SEMA3E: variants seen among roughly 807,000 people sequenced by gnomAD.
SEMA3E encodes semaphorin 3E, also known as semaphorin-3E.
SEMA3E carries 49 observed loss-of-function variants against 93.6 expected under a neutral mutation model. That is an observed-to-expected ratio of 0.52 (90% confidence interval 0.42 to 0.66). The LOEUF is 0.66. Ranked by LOEUF, SEMA3E falls within the 30% of genes least tolerant of loss-of-function variation. The probability of loss-of-function intolerance (pLI) is 0.00; values close to 1 mark genes in which losing one functional copy is unlikely to be tolerated. For synonymous variants in SEMA3E, 363 were observed against 330.7 expected, an observed-to-expected ratio of 1.10 and a Z score of -1.06; for missense variants, 906 against 964.8, an observed-to-expected ratio of 0.94 and a Z score of 0.81.
At chr7:83,631,926 C>T (rs1290505773) in intron 1 of SEMA3E, among the ~76,000 whole-genome samples, 1 of 152,094 alleles carries the variant, frequency 6.6e-6, no homozygotes, top group Non-Finnish European at 1.5e-5. Flanking sequence ...GAGGCCGAGG[C>T]AGGCAGATCA....
At chr7:83,572,824 G>A (rs183462457) in intron 1 of SEMA3E, among the ~76,000 whole-genome samples, 144 of 152,162 alleles carry the variant, frequency 9.5e-4, no homozygotes, top group African/African-American at 3.3e-3. Flanking sequence ...GCTAGCACAC[G>A]CAGAATAAAA....
intron 1 of SEMA3E, among the ~76,000 whole-genome samples, chr7:83,630,861 T>G (rs1387414078): frequency 6.6e-6 from 1 of 152,216 alleles, no homozygotes; most frequent in Non-Finnish European, 1.5e-5. Context: ...AGGGTTATTT[T>G]AAATTTTGAG....
intron 1 of SEMA3E, among the ~76,000 whole-genome samples, chr7:83,576,513 A>G (rs1436389174): frequency 2.6e-5 from 4 of 152,178 alleles, no homozygotes; most frequent in Non-Finnish European, 4.4e-5. Flanking sequence ...ATCTTTTTCT[A>G]TAAGTCAGTT....
chr7:83,550,096 GA>G (rs1791731395), intron 1 of SEMA3E, among the ~76,000 whole-genome samples: 1 of 151,956 alleles, frequency 6.6e-6, no homozygotes, highest in African/African-American at 2.4e-5. Context: ...ATATGTTAAA[GA>G]AACATCGTAA....
chr7:83,455,796 C>A (rs111586645), intron 4 of SEMA3E, among the ~76,000 whole-genome samples: 2 of 152,198 alleles, frequency 1.3e-5, no homozygotes, highest in Admixed American at 1.3e-4. Flanking sequence ...TGCATGTGAC[C>A]CCTAGGAGTT....
intron 1 of SEMA3E, among the ~76,000 whole-genome samples, chr7:83,545,112 C>T (rs2058346): frequency 0.25 from 37,707 of 151,850 alleles, 4,682 homozygotes; most frequent in Middle Eastern, 0.3. Flanking sequence ...TTAGCTATTA[C>T]TTGTTGATTC....
At chr7:83,586,997 A>G (rs747661947) in intron 1 of SEMA3E, among the ~76,000 whole-genome samples, 1 of 152,162 alleles carries the variant, frequency 6.6e-6, no homozygotes, top group Non-Finnish European at 1.5e-5. Flanking sequence ...TGAAGGCTGT[A>G]AAATAAAGGT....
intron 4 of SEMA3E, among the ~76,000 whole-genome samples, chr7:83,446,975 G>C (rs1359196035): frequency 1.3e-5 from 2 of 152,104 alleles, no homozygotes. Flanking sequence ...AAGATTGTGA[G>C]ATAGACAATG....
At chr7:83,540,174 C>T (rs932724295) in intron 1 of SEMA3E, among the ~76,000 whole-genome samples, 2 of 152,142 alleles carry the variant, frequency 1.3e-5, no homozygotes, top group African/African-American at 4.8e-5. Flanking sequence ...TGAGCCACTG[C>T]TCCTGGCCTA....
intron 1 of SEMA3E, among the ~76,000 whole-genome samples, chr7:83,588,472 C>T (rs1223795790): frequency 9.9e-5 from 15 of 152,128 alleles, no homozygotes; most frequent in Admixed American, 7.9e-4. Context: ...TAAAGCAGTA[C>T]TGAGTGATCT....
At chr7:83,437,906 C>A (rs1364690605) in intron 4 of SEMA3E, among the ~76,000 whole-genome samples, 1 of 152,038 alleles carries the variant, frequency 6.6e-6, no homozygotes, top group Non-Finnish European at 1.5e-5. Context: ...AAAGACAGGA[C>A]AACTTGTTCA....
chr7:83,516,702 A>G (rs780357367), intron 1 of SEMA3E, among the ~76,000 whole-genome samples: 2 of 152,144 alleles, frequency 1.3e-5, no homozygotes, highest in Non-Finnish European at 1.5e-5. Flanking sequence ...TTTTCAGCAC[A>G]TGTTAATATT....
At chr7:83,387,994 T>G (rs1011370608) in intron 14 of SEMA3E, among the ~76,000 whole-genome samples, 2 of 147,120 alleles carry the variant, frequency 1.4e-5, no homozygotes, top group Admixed American at 1.4e-4. Context: ...ATATTATGTA[T>G]ATAATATAAT....
chr7:83,482,860 T>C (rs1437941204), intron 2 of SEMA3E, among the ~76,000 whole-genome samples: 1 of 152,058 alleles, frequency 6.6e-6, no homozygotes, highest in African/African-American at 2.4e-5. Context: ...TTTAAAAAAT[T>C]GGATATGTTT....
chr7:83,368,062 G>C (rs191467344), intron 16 of SEMA3E, 24 bp from the exon 17 acceptor site: 2 of 1,595,846 alleles, frequency 1.3e-6, no homozygotes, highest in African/African-American at 1.3e-5. Flanking sequence ...AAAGTAAATG[G>C]CACTGAAGTA....
At chr7:83,534,038 T>G (rs757511769) in intron 1 of SEMA3E, among the ~76,000 whole-genome samples, 1 of 152,368 alleles carries the variant, frequency 6.6e-6, no homozygotes, top group Admixed American at 6.5e-5. Flanking sequence ...GTTTCCATTT[T>G]TAAGCTTCTG....
chr7:83,407,368 TTTC>T, intron 6 of SEMA3E, 129 bp from the exon 7 acceptor site: 2 of 857,476 alleles, frequency 2.3e-6, no homozygotes, highest in Non-Finnish European at 3.6e-6. Flanking sequence ...AAGAAATATT[TTTC>T]TTGAATTTTT....
intron 1 of SEMA3E, among the ~76,000 whole-genome samples, chr7:83,506,191 A>G (rs1190659401): frequency 1.3e-5 from 2 of 152,006 alleles, no homozygotes; most frequent in East Asian, 3.9e-4. Context: ...CACTGTTCAC[A>G]ATAGCTAATT....
chr7:83,543,764 A>G (rs1395552802), intron 1 of SEMA3E, among the ~76,000 whole-genome samples: 3 of 152,078 alleles, frequency 2.0e-5, no homozygotes, highest in Non-Finnish European at 4.4e-5. Flanking sequence ...CTGCATGCCT[A>G]TAAAATAATA....
Sources: allele counts gnomAD v4.1 joint callset (sites outside exome capture counted in the v4.1 genomes callset), GRCh38; gene constraint gnomAD v4.1.1; transcripts MANE v1.5; gene names NCBI Gene and HGNC (gene_info 2026-07-23, HGNC 2026-07-21).